Variants in PUM1 observed in about 807,000 individuals in gnomAD.
The protein encoded by PUM1 is pumilio homolog 1.
A neutral mutation model predicts 131.8 loss-of-function variants in PUM1; 13 were observed. That is an observed-to-expected ratio of 0.10 (90% CI 0.06 to 0.16). PUM1 has a LOEUF of 0.16. Among genes scored for constraint, PUM1 ranks in the 10% least tolerant of loss-of-function variants. The pLI is 1.00. For synonymous variants in PUM1, 509 were observed against 556.5 expected (o/e 0.91, Z 1.20); for missense variants, 961 against 1,512.4 (o/e 0.64, Z 6.05).
intron 17 of PUM1, among the ~76,000 whole-genome samples, chr1:30,948,897 C>T (rs1163432165): frequency 6.6e-6 from 1 of 152,216 alleles, no homozygotes; most frequent in East Asian, 1.9e-4. Flanking sequence ...CTTATACTTT[C>T]TTATTAATGC....
rs144084517 is a variant in PUM1 at position 31,026,769 on chromosome 1, G to A, written c.432+2027C>T. ...ACTGTCCTCATAGAGTTATTAATCA[G>A]ATAATGCATAAAAGCCCCTTAGCAT... On this transcript the variant is annotated intron_variant, in intron 3 of 21. Coordinates refer to ENST00000426105, the MANE Select transcript of PUM1 (RefSeq NM_001020658.2). Among the ~76,000 whole-genome samples the A allele has an allele frequency of 1.2e-4, 18 of 152,230 alleles. No individual in the cohort carries two copies. The East Asian group carries it at 3.5e-3, about 29-fold the overall frequency.
Position 30,994,956 on chromosome 1 carries a change from G to T in PUM1, c.887+98C>A. On this transcript the variant is annotated intron_variant, in intron 6 of 21. Transcript: ENST00000426105. ...GATTGGATTCTTAAAAAGAAAACATGAAGAGGGGAAGAAAACGAAAATCAA... is the reference window on the plus strand; with the variant it reads ...GATTGGATTCTTAAAAAGAAAACATTAAGAGGGGAAGAAAACGAAAATCAA... The T allele has an allele frequency of 2.4e-6, 3 of 1,269,416 alleles. 1 individual carries two copies. In the South Asian group the frequency reaches 4.4e-5, roughly 19 times the overall value. 78.6% of individuals were successfully genotyped at this position (1,269,416 alleles called of 1,614,324 possible).
rs749371838 is a variant in PUM1, at chr1:30,964,753, G to C, written c.2244C>G (p.Leu748=). Residue 748 remains leucine (L), a synonymous_variant, in exon 14 of 22, where the codon CTC becomes CTG. Coordinates refer to ENST00000426105, the MANE Select transcript of PUM1 (RefSeq NM_001020658.2). The part of the protein sequence containing the change: ...SSSPGPVGMP[L]PSQGPGHSQT... ...GTGAATGTCCTGGTCCCTGACTAGG[G>C]AGAGGCATGCCCACGGGTCCAGGAG... 1.2e-6 allele frequency: 2 copies of C among 1,614,138 alleles called. No homozygotes were observed. The highest frequency in any genetic ancestry group is 1.1e-5 in the South Asian group (1 of 91,078).
chr1:31,039,146 G>A (rs1643736495), intron 2 of PUM1, among the ~76,000 whole-genome samples: 1 of 148,984 alleles, frequency 6.7e-6, no homozygotes, highest in East Asian at 2.0e-4. Flanking sequence ...ACACGTGTAT[G>A]TCACCATGCC....
intron 18 of PUM1, among the ~76,000 whole-genome samples, chr1:30,942,714 C>T (rs1021011047): frequency 2.0e-5 from 3 of 152,170 alleles, no homozygotes; most frequent in Non-Finnish European, 2.9e-5. Context: ...GCAATAATAG[C>T]AGCTAACACT....
At chr1:30,981,186 T>C (rs1641342246) in intron 8 of PUM1, 126 bp downstream of exon 8, 1 of 528,072 alleles carries the variant, frequency 1.9e-6, no homozygotes, top group African/African-American at 2.0e-5. Flanking sequence ...AAGAGGCCAC[T>C]TACTCTGTCT....
chr1:31,031,937 T>C (rs1312423178), intron 2 of PUM1, among the ~76,000 whole-genome samples: 1 of 151,892 alleles, frequency 6.6e-6, no homozygotes, highest in Non-Finnish European at 1.5e-5. Context: ...TTTTTCTCTC[T>C]ACTCACCCTC....
chr1:30,957,194 A>T (rs915222513), intron 14 of PUM1, among the ~76,000 whole-genome samples: 6 of 152,246 alleles, frequency 3.9e-5, no homozygotes, highest in Non-Finnish European at 7.4e-5. Flanking sequence ...ATAAATGGCA[A>T]TGGCAAACTG....
rs943264212 is a variant in PUM1, at chr1:30,931,622, A to T, written c.*1589T>A. 4 of 152,682 alleles carry T rather than the reference A, an allele frequency of 2.6e-5. No individual in the cohort carries two copies. The highest frequency in any genetic ancestry group is 9.6e-5 in the African/African-American group (4 of 41,458). The allele number at this position is 152,682 out of a possible 1,614,324, so 9.5% of individuals were successfully genotyped here. Reference sequence around the variant, plus strand: ...ATAAGCATACACAGGTTTGTTAATTATACACATATGGTTACAAGTGTGCTT... The same window carrying T: ...ATAAGCATACACAGGTTTGTTAATTTTACACATATGGTTACAAGTGTGCTT... On this transcript the variant is annotated 3_prime_UTR_variant, in exon 22 of 22. Transcript: ENST00000426105.
At chr1:31,055,268 G>C in intron 2 of PUM1, 1 of 450,156 alleles carries the variant, frequency 2.2e-6, no homozygotes, top group South Asian at 1.6e-5. Context: ...CTGTTGCCAT[G>C]TGTTTCCCAG....
chr1:30,992,156 G>C (rs777958968), intron 7 of PUM1, among the ~76,000 whole-genome samples: 1 of 152,196 alleles, frequency 6.6e-6, no homozygotes, highest in African/African-American at 2.4e-5. Context: ...TGAGGAGAGA[G>C]AAGAACCAAA....
intron 5 of PUM1, among the ~76,000 whole-genome samples, chr1:30,995,980 A>C (rs1167220685): frequency 6.6e-6 from 1 of 152,220 alleles, no homozygotes; most frequent in African/African-American, 2.4e-5. Flanking sequence ...GGAGTATGTT[A>C]AATTGAAGCA....
intron 2 of PUM1, among the ~76,000 whole-genome samples, chr1:31,045,374 A>G (rs1643927100): frequency 6.7e-6 from 1 of 149,334 alleles, no homozygotes. Flanking sequence ...CTGGCCTCAG[A>G]CGATCCACCC....
intron 2 of PUM1, among the ~76,000 whole-genome samples, chr1:31,058,768 C>G (rs556558238): frequency 2.0e-5 from 3 of 151,614 alleles, no homozygotes; most frequent in Admixed American, 6.6e-5. Flanking sequence ...GTCAGGAGTT[C>G]GAGGCCAGCC....
intron 9 of PUM1, among the ~76,000 whole-genome samples, chr1:30,979,723 G>A (rs189936216): frequency 6.6e-6 from 1 of 152,258 alleles, no homozygotes; most frequent in Admixed American, 6.5e-5. Context: ...AAATACATTA[G>A]AGACCAGTAA....
At chr1:31,048,115 T>C (rs866996616) in intron 2 of PUM1, among the ~76,000 whole-genome samples, 3 of 151,604 alleles carry the variant, frequency 2.0e-5, no homozygotes, top group African/African-American at 7.3e-5. Context: ...GGCGGGCGCC[T>C]ATAGTCCCAG....
intron 1 of PUM1, 70 bp downstream of exon 1, chr1:31,065,546 A>C: frequency 6.6e-7 from 1 of 1,511,746 alleles, no homozygotes. Flanking sequence ...TCAAACACCA[A>C]TATGAAGGGA....
At chr1:31,043,626 CCAG>C (rs2124574565) in intron 2 of PUM1, among the ~76,000 whole-genome samples, 1 of 152,276 alleles carries the variant, frequency 6.6e-6, no homozygotes, top group Non-Finnish European at 1.5e-5. Flanking sequence ...AAAATTGTCA[CCAG>C]CAGATCAATC....
intron 15 of PUM1, among the ~76,000 whole-genome samples, chr1:30,953,179 GC>G (rs1476212428): frequency 2.6e-5 from 4 of 152,160 alleles, no homozygotes; most frequent in Non-Finnish European, 4.4e-5. Context: ...GGAGGAGGTA[GC>G]TTCTGTAGAA....
Sources: gnomAD v4.1 joint callset for allele counts (sites outside exome capture counted in the v4.1 genomes callset) on GRCh38, gnomAD v4.1.1 for gene constraint, MANE v1.5 for transcripts, NCBI Gene and HGNC (gene_info 2026-07-23, HGNC 2026-07-21) for gene names.